Variants in PSMC1 observed in about 807,000 individuals in gnomAD.
PSMC1 encodes 26S proteasome regulatory subunit 4.
Under a neutral mutation model 49.8 loss-of-function variants are expected in PSMC1, and 5 were observed. That is an observed-to-expected ratio of 0.10 (90% CI 0.05 to 0.21). PSMC1 has a LOEUF of 0.21. Ranked by LOEUF, PSMC1 falls within the 10% of genes least tolerant of loss-of-function variation. PSMC1 has a pLI of 1.00. For missense variants in PSMC1, 181 were observed against 535.7 expected (o/e 0.34, Z 6.54); for synonymous variants, 155 against 192.1 (o/e 0.81, Z 1.60).
chr14:90,261,824 A>G (rs2139643794), intron 3 of PSMC1, among the ~76,000 whole-genome samples: 1 of 150,400 alleles, frequency 6.6e-6, no homozygotes. Context: ...AGGAATATAA[A>G]TCAAGCTGCT....
chr14:90,265,426 CA>C (rs200602407), intron 7 of PSMC1, among the ~76,000 whole-genome samples: 1,827 of 151,806 alleles, frequency 0.012, 35 homozygotes, highest in African/African-American at 0.041. Flanking sequence ...CGCAGTGGCT[CA>C]CGCCTGTAAT....
chr14:90,270,153 T>C (rs895469652), intron 9 of PSMC1, 45 bp from the exon 10 acceptor site: 2 of 1,599,110 alleles, frequency 1.3e-6, no homozygotes, highest in African/African-American at 2.7e-5. Context: ...TGGCCGAGCC[T>C]GGGTTTGGAT....
chr14:90,274,838 A>ACACACACCCCCCC lies in PSMC1; in HGVS notation c.*2432_*2433insACACACCCCCCCC, dbSNP rs1491397403. ...CACACACACACACACACACACACAC[A>ACACACACCCCCCC]CCCCAATACATATGAATTGATCTGA... On this transcript the variant is annotated 3_prime_UTR_variant, in exon 11 of 11. Transcript: ENST00000261303. 1.5e-5 allele frequency: 1 copy of ACACACACCCCCCC among 67,186 alleles called. No homozygotes were observed. The highest frequency in any genetic ancestry group is 3.2e-5 in the Non-Finnish European group (1 of 31,320). 4.2% of individuals were successfully genotyped at this position (67,186 alleles called of 1,614,324 possible).
chr14:90,269,247 A>G, intron 8 of PSMC1, 150 bp from the exon 9 acceptor site: 1 of 680,196 alleles, frequency 1.5e-6, no homozygotes, highest in Non-Finnish European at 2.4e-6. Context: ...TGCTGAATTT[A>G]TTTTTTCCGA....
intron 8 of PSMC1, 146 bp downstream of exon 8, chr14:90,268,559 T>A: frequency 1.4e-6 from 1 of 736,346 alleles, no homozygotes; most frequent in Non-Finnish European, 2.3e-6. Flanking sequence ...GGCTCTGCTC[T>A]CCCAGGAGCC....
chr14:90,269,980 A>T (rs1425056051), intron 9 of PSMC1: 8 of 536,784 alleles, frequency 1.5e-5, no homozygotes, highest in Non-Finnish European at 2.3e-5. Flanking sequence ...TTCTGAAGGT[A>T]CCAAAGCAGA....
chr14:90,263,497 T>C, intron 4 of PSMC1, 55 bp downstream of exon 4: 1 of 1,505,842 alleles, frequency 6.6e-7, no homozygotes, highest in Non-Finnish European at 9.0e-7. Flanking sequence ...TCTATAAAAT[T>C]GTCAACAAAT....
At chr14:90,269,700 G>A in intron 9 of PSMC1, 152 bp downstream of exon 9, 1 of 784,042 alleles carries the variant, frequency 1.3e-6, no homozygotes, top group Non-Finnish European at 2.0e-6. Flanking sequence ...CTCTTGAGAT[G>A]AGGGTTAAAA....
chr14:90,258,074 A>G (rs563022351), intron 1 of PSMC1, among the ~76,000 whole-genome samples: 31 of 152,098 alleles, frequency 2.0e-4, no homozygotes, highest in Non-Finnish European at 3.8e-4. Flanking sequence ...TTTTTTTTCT[A>G]GAACAGTAGA....
intron 3 of PSMC1, among the ~76,000 whole-genome samples, chr14:90,262,148 G>T (rs746852879): frequency 2.1e-4 from 15 of 69,918 alleles, no homozygotes; most frequent in Non-Finnish European, 4.3e-4. Flanking sequence ...GGGGCCTGTC[G>T]TGGGGTGGGG....
At position 90,264,046 on chromosome 14, in the gene PSMC1, T is replaced by C. The variant is rs2151750; in HGVS notation, c.471T>C (p.His157=). ...ACCTTGATGTTTCCTGTTAGGTGCA[T>C]GCCGTGATAGGGGTGCTGATGGATG... The part of the protein sequence containing the change: ...GCSVLLNHKV[H]AVIGVLMDDT... Residue 157 remains histidine, a synonymous_variant, in exon 6 of 11, where the codon CAT becomes CAC. Coordinates refer to ENST00000261303, the MANE Select transcript of PSMC1 (RefSeq NM_002802.3). 11 of 1,609,904 alleles carry C rather than the reference T, an allele frequency of 6.8e-6. No homozygotes were observed. The highest frequency in any genetic ancestry group is 6.7e-5 in the African/African-American group (5 of 74,662).
chr14:90,269,575 G>A (rs774126534), intron 9 of PSMC1, 27 bp downstream of exon 9: 1 of 1,608,082 alleles, frequency 6.2e-7, no homozygotes, highest in African/African-American at 1.3e-5. Flanking sequence ...TTTCATCATG[G>A]AGATTAATGT....
At chr14:90,262,408 A>C (rs1333672846) in intron 3 of PSMC1, among the ~76,000 whole-genome samples, 2 of 152,210 alleles carry the variant, frequency 1.3e-5, no homozygotes, top group Non-Finnish European at 1.5e-5. Context: ...ATGTGAAAAT[A>C]AATAAATGAA....
rs1456876251 is a variant in PSMC1 at position 90,259,145 on chromosome 14, A to T, written c.4-15A>T. The T allele has an allele frequency of 1.9e-6, 3 of 1,613,292 alleles. No individual in the cohort carries two copies. The highest frequency in any genetic ancestry group is 1.7e-5 in the Admixed American group (1 of 59,902). On this transcript the variant is annotated splice_polypyrimidine_tract_variant and intron_variant, in intron 1 of 10. Coordinates refer to ENST00000261303, the MANE Select transcript of PSMC1 (RefSeq NM_002802.3). The stretch of plus-strand genomic sequence containing the variant: ...TATTCTGAATTTACATCTGTGCCTG[A>T]TTTTTCTCCTCCAGGGTCAAAGTCA...
At chr14:90,269,366 CT>C in intron 8 of PSMC1, 30 bp from the exon 9 acceptor site, 28 of 1,568,082 alleles carry the variant, frequency 1.8e-5, no homozygotes, top group Non-Finnish European at 2.4e-5. Context: ...TCAGTTGAGT[CT>C]TCATTCCTTC....
In PSMC1 at chr14:90,274,739, A is replaced by C. The variant is rs1351447086; in HGVS notation, c.*2332A>C. On this transcript the variant is annotated 3_prime_UTR_variant, in exon 11 of 11. Coordinates refer to ENST00000261303, the MANE Select transcript of PSMC1 (RefSeq NM_002802.3). The stretch of plus-strand genomic sequence containing the variant: ...CTCGGGACAATCTGAGCATCCTAAC[A>C]AACAGTTACTATTAATGGAATACAG... 6.6e-6 allele frequency: 1 copy of C among 151,638 alleles called. No homozygotes were observed. The highest frequency in any genetic ancestry group is 1.5e-5 in the Non-Finnish European group (1 of 68,104). The allele number at this position is 151,638 out of a possible 1,614,324, so 9.4% of individuals were successfully genotyped here. A position where few individuals can be genotyped will look rare whatever the true frequency, so the allele number is the denominator to read the frequency against.
chr14:90,269,578 A>G, intron 9 of PSMC1, 30 bp downstream of exon 9: 2 of 1,607,434 alleles, frequency 1.2e-6, no homozygotes, highest in Non-Finnish European at 1.7e-6. Flanking sequence ...CATCATGGAG[A>G]TTAATGTGTT....
rs989859380 is a variant in PSMC1, at chr14:90,268,146, G to A, written c.692-78G>A. 74 of 1,222,532 alleles carry A rather than the reference G, an allele frequency of 6.1e-5. No individual in the cohort carries two copies. The African/African-American group carries it at 1.1e-3, about 18-fold the overall frequency. The allele number at this position is 1,222,532 out of a possible 1,614,324, so 75.7% of individuals were successfully genotyped here. A position where few individuals can be genotyped will look rare whatever the true frequency, so the allele number is the denominator to read the frequency against. ...CGCCTGTTTTTGGTGTCCATTTAAG[G>A]TGGTAATGATACGAGTTTTTAAGTT... On this transcript the variant is annotated intron_variant, in intron 7 of 10. Transcript: ENST00000261303.
At chr14:90,271,077 T>TG (rs1164894795) in intron 10 of PSMC1, 1 of 149,392 alleles carries the variant, frequency 6.7e-6, no homozygotes. Context: ...GATAAGAACT[T>TG]ACTTTGACAA....
Sources: allele counts gnomAD v4.1 joint callset (sites outside exome capture counted in the v4.1 genomes callset), GRCh38; gene constraint gnomAD v4.1.1; transcripts MANE v1.5; gene names NCBI Gene and HGNC (gene_info 2026-07-23, HGNC 2026-07-21).